HTT: variants seen among roughly 807,000 people sequenced by gnomAD.
HTT encodes the protein huntington disease protein.
In HTT, 104 loss-of-function variants were observed where a neutral mutation model predicts 362.3. The observed-to-expected ratio is 0.29, with a 90% confidence interval of 0.24 to 0.34. HTT has a LOEUF of 0.34. HTT is among the 10% of genes least tolerant of loss of function. HTT has a pLI of 1.00. For synonymous variants in HTT, 1,577 were observed against 1,548.7 expected (o/e 1.02, Z -0.43); for missense variants, 3,301 against 3,928.6 (o/e 0.84, Z 4.27).
At chr4:3,101,318 C>G (rs774971077) in intron 3 of HTT, among the ~76,000 whole-genome samples, 2 of 152,202 alleles carry the variant, frequency 1.3e-5, no homozygotes, top group African/African-American at 4.8e-5. Flanking sequence ...CTGGCTGTCT[C>G]CTTGCTTCTT....
chr4:3,138,192 TGC>T (rs1425471034), intron 21 of HTT, among the ~76,000 whole-genome samples: 10 of 149,754 alleles, frequency 6.7e-5, no homozygotes, highest in African/African-American at 2.2e-4. Context: ...CCTGCCTGCC[TGC>T]CTGCCTTCCT....
At chr4:3,115,261 T>G (rs760051466) in intron 6 of HTT, 43 bp from the exon 7 acceptor site, 1 of 1,588,778 alleles carries the variant, frequency 6.3e-7, no homozygotes, top group Non-Finnish European at 8.6e-7. Flanking sequence ...ATAAGCTTCA[T>G]AGGAGCTTCA....
intron 31 of HTT, among the ~76,000 whole-genome samples, chr4:3,173,893 G>A (rs774890508): frequency 4.5e-4 from 68 of 152,052 alleles, no homozygotes; most frequent in Middle Eastern, 6.8e-3. Context: ...GGATGGTCTC[G>A]ATCTCCTGAC....
intron 35 of HTT, among the ~76,000 whole-genome samples, chr4:3,179,915 T>C (rs1718430912): frequency 6.6e-6 from 1 of 151,962 alleles, no homozygotes; most frequent in Non-Finnish European, 1.5e-5. Context: ...TCCTATGTGC[T>C]CATGACATTG....
At position 3,229,947 on chromosome 4, in the gene HTT, C is replaced by T; in HGVS notation, c.8170C>T (p.Leu2724=). 1.2e-6 allele frequency: 2 copies of T among 1,614,168 alleles called. No homozygotes were observed. The highest frequency in any genetic ancestry group is 1.7e-6 in the Non-Finnish European group (2 of 1,179,968). Residue 2724 remains leucine, a synonymous_variant, in exon 60 of 67, where the codon CTG becomes TTG. Transcript: ENST00000355072. ...CCAGTTTGAGCTGATGTATGTGACGCTGACAGAACTGCGAAGGGTGCACCC... is the reference window on the plus strand; with the variant it reads ...CCAGTTTGAGCTGATGTATGTGACGTTGACAGAACTGCGAAGGGTGCACCC... ...RNQFELMYVT[L]TELRRVHPSE... is the part of the protein sequence containing the mutation.
rs936386705 is a variant in HTT, at chr4:3,167,122, C to T, written c.3865-5198C>T. ...AGTCTTGCTCTGTCGCCCAGGCTGACGTGCATCGGCACAATCTCGGCCCAC... is the reference window on the plus strand; with the variant it reads ...AGTCTTGCTCTGTCGCCCAGGCTGATGTGCATCGGCACAATCTCGGCCCAC... On this transcript the variant is annotated intron_variant, in intron 29 of 66. Transcript: ENST00000355072. Among the ~76,000 whole-genome samples, 58 of 152,208 alleles carry T rather than the reference C, an allele frequency of 3.8e-4. 1 individual carries two copies. The highest frequency in any genetic ancestry group is 3.7e-3 in the Admixed American group (57 of 15,290).
chr4:3,225,501 C>A (rs888501633), intron 56 of HTT, among the ~76,000 whole-genome samples, 160 bp from the exon 57 acceptor site: 2 of 152,268 alleles, frequency 1.3e-5, no homozygotes, highest in African/African-American at 4.8e-5. Flanking sequence ...ATCCCCAAGA[C>A]CCACAGGGCT....
intron 1 of HTT, among the ~76,000 whole-genome samples, chr4:3,079,958 C>A (rs114828069): frequency 1.3e-5 from 2 of 152,126 alleles, no homozygotes; most frequent in African/African-American, 2.4e-5. Flanking sequence ...CAGTAGCTTG[C>A]GTTATCAGGT....
chr4:3,111,617 A>C (rs1714755815), intron 6 of HTT, among the ~76,000 whole-genome samples: 1 of 152,164 alleles, frequency 6.6e-6, no homozygotes, highest in African/African-American at 2.4e-5. Context: ...CGGGGACTGG[A>C]AGGGAGGGGA....
intron 3 of HTT, 27 bp downstream of exon 3, chr4:3,099,421 C>T: frequency 1.2e-6 from 2 of 1,612,860 alleles, no homozygotes; most frequent in Non-Finnish European, 8.5e-7. Flanking sequence ...TGATGTTCTC[C>T]TCAGAGCTAT....
At chr4:3,082,787 C>G (rs759357562) in intron 1 of HTT, among the ~76,000 whole-genome samples, 1 of 152,142 alleles carries the variant, frequency 6.6e-6, no homozygotes, top group Admixed American at 6.6e-5. Context: ...GCTGTAGGGC[C>G]GTTGAGCATT....
At chr4:3,077,515 G>A (rs2110132267) in intron 1 of HTT, among the ~76,000 whole-genome samples, 1 of 152,270 alleles carries the variant, frequency 6.6e-6, no homozygotes, top group South Asian at 2.1e-4. Context: ...TGCCTCCCAG[G>A]TTCAAATGCT....
rs1578474576 is a variant in HTT at position 3,074,688 on chromosome 4, G to T, written c.-138G>T. ...ACGCAAGGCGCCGTGGGGGCTGCCG[G>T]GACGGGTCCAAGATGGACGGCCGCT... On this transcript the variant is annotated 5_prime_UTR_variant, in exon 1 of 67. Transcript: ENST00000355072. The T allele has an allele frequency of 2.3e-6, 2 of 856,440 alleles. No homozygotes were observed. The highest frequency in any genetic ancestry group is 3.2e-6 in the Non-Finnish European group (2 of 623,394). 53.1% of individuals were successfully genotyped at this position (856,440 alleles called of 1,614,324 possible).
intron 1 of HTT, among the ~76,000 whole-genome samples, chr4:3,080,044 A>G (rs1209917820): frequency 6.6e-6 from 1 of 152,228 alleles, no homozygotes; most frequent in Non-Finnish European, 1.5e-5. Context: ...TTATCAGAAG[A>G]CAAAAATAAG....
rs1254226746 is a variant in HTT, at chr4:3,225,747, A to T, written c.7848+4A>T. 1.2e-6 allele frequency: 2 copies of T among 1,612,332 alleles called. No homozygotes were observed. Among genetic ancestry groups the T allele is most frequent in the Admixed American group, 3.3e-5 (2 of 59,930 alleles). On this transcript the variant is annotated splice_donor_region_variant and intron_variant, in intron 57 of 66. Transcript: ENST00000355072. ...CATGAGCTACAAACTCGGCCAGGTC[A>T]GTCTCGCGCCCCCGCCGCCTGGCCT...
intron 1 of HTT, among the ~76,000 whole-genome samples, chr4:3,085,813 CTACTT>C (rs2110140916): frequency 6.6e-6 from 1 of 152,310 alleles, no homozygotes; most frequent in East Asian, 1.9e-4. Flanking sequence ...TCACCCCTCT[CTACTT>C]TATTTTGATA....
intron 6 of HTT, among the ~76,000 whole-genome samples, 186 bp from the exon 7 acceptor site, chr4:3,115,118 A>C (rs1424169858): frequency 6.6e-6 from 1 of 152,196 alleles, no homozygotes; most frequent in East Asian, 1.9e-4. Context: ...AATAGACTAC[A>C]CATGTCTGTA....
chr4:3,121,273 G>C lies in HTT; in HGVS notation c.1114G>C (p.Val372Leu). Residue 372 changes from valine (V) to leucine (L), a missense_variant, in exon 9 of 67, where the codon GTT becomes CTT. Coordinates refer to ENST00000355072, the MANE Select transcript of HTT (RefSeq NM_001388492.1). Reference sequence around the variant, plus strand: ...TCATACACAGCACCAAGACCACAATGTTGTGACCGGAGCCCTGGAGCTGTT... The same window carrying C: ...TCATACACAGCACCAAGACCACAATCTTGTGACCGGAGCCCTGGAGCTGTT... ...LHHTQHQDHNVVTGALELLQQ... is the reference protein window; with the variant it reads ...LHHTQHQDHNLVTGALELLQQ... The C allele has an allele frequency of 6.2e-7, 1 of 1,614,170 alleles. No homozygotes were observed. Among genetic ancestry groups the C allele is most frequent in the Non-Finnish European group, 8.5e-7 (1 of 1,180,018 alleles).
chr4:3,236,565 C>T (rs932660462), intron 64 of HTT, among the ~76,000 whole-genome samples: 3 of 152,272 alleles, frequency 2.0e-5, no homozygotes, highest in African/African-American at 7.2e-5. Flanking sequence ...TGACCAGCCT[C>T]TGGGAGGGTG....
Sources: allele counts gnomAD v4.1 joint callset (sites outside exome capture counted in the v4.1 genomes callset), GRCh38; gene constraint gnomAD v4.1.1; transcripts MANE v1.5; gene names NCBI Gene and HGNC (gene_info 2026-07-23, HGNC 2026-07-21).